The following SPTAN1 variants were observed in gnomAD, a reference collection of about 807,000 sequenced individuals.
SPTAN1 encodes spectrin alpha chain, non-erythrocytic 1.
Under a neutral mutation model 331.3 loss-of-function variants are expected in SPTAN1, and 61 were observed. The ratio of observed to expected loss-of-function variants is 0.18; its 90% CI spans 0.15 to 0.23. SPTAN1 has a LOEUF of 0.23. Among genes scored for constraint, SPTAN1 ranks in the 10% least tolerant of loss-of-function variants. SPTAN1 has a pLI of 1.00. For synonymous variants in SPTAN1, 1,153 were observed against 1,173.9 expected (o/e 0.98, Z 0.36); for missense variants, 2,043 against 3,147.9 (o/e 0.65, Z 8.40).
At chr9:128,591,981 CT>C (rs1291638777) in intron 22 of SPTAN1, among the ~76,000 whole-genome samples, 4 of 152,328 alleles carry the variant, frequency 2.6e-5, no homozygotes, top group African/African-American at 9.6e-5. Flanking sequence ...GCTTCTCTGT[CT>C]GCCATAGCTT....
intron 3 of SPTAN1, among the ~76,000 whole-genome samples, chr9:128,573,972 C>T (rs1221081682): frequency 2.0e-5 from 3 of 152,152 alleles, no homozygotes; most frequent in Non-Finnish European, 2.9e-5. Flanking sequence ...CCAGACTGGT[C>T]TTGAACTCCT....
intron 3 of SPTAN1, among the ~76,000 whole-genome samples, chr9:128,570,648 A>G (rs543560351): frequency 1.3e-5 from 2 of 148,570 alleles, no homozygotes; most frequent in Admixed American, 1.3e-4. Flanking sequence ...CAGATGGCTT[A>G]TTTATTTATT....
At chr9:128,575,430 C>T in intron 5 of SPTAN1, 85 bp downstream of exon 5, 1 of 1,505,092 alleles carries the variant, frequency 6.6e-7, no homozygotes, top group Non-Finnish European at 9.1e-7. Context: ...GATGATTGGT[C>T]CCCTAATTTC....
chr9:128,622,321 C>T lies in SPTAN1; in HGVS notation c.5832+1065C>T, dbSNP rs571739945. On this transcript the variant is annotated intron_variant, in intron 45 of 56. Coordinates refer to ENST00000372739, the MANE Select transcript of SPTAN1 (RefSeq NM_001130438.3). ...TTTTTTTTTTTTTTTTTTTTTGCGA[C>T]GGAGTTTCGCTCTTGTTGCCCAGGC... Among the ~76,000 whole-genome samples the T allele has an allele frequency of 7.2e-4, 87 of 120,028 alleles. 2 individuals are homozygous for T. The highest frequency in any genetic ancestry group is 5.8e-4 in the East Asian group (2 of 3,426). The allele number at this position is 120,028 out of a possible 152,430, so 78.7% of individuals were successfully genotyped here.
At position 128,581,018 on chromosome 9, in the gene SPTAN1, C is replaced by A. The variant is rs1461072315; in HGVS notation, c.1420C>A (p.Arg474=). ...EQCMDLQLFY[R]DTEQVDNWMS... Reference sequence around the variant, plus strand: ...GTGCATGGACCTGCAGCTCTTCTACCGGGACACTGAGCAGGTGGACAACTG... The same window carrying A: ...GTGCATGGACCTGCAGCTCTTCTACAGGGACACTGAGCAGGTGGACAACTG... Residue 474 remains arginine (R), a synonymous_variant, in exon 11 of 57, where the codon CGG becomes AGG. Coordinates refer to ENST00000372739, the MANE Select transcript of SPTAN1 (RefSeq NM_001130438.3). The A allele has an allele frequency of 6.2e-7, 1 of 1,613,956 alleles. No individual in the cohort carries two copies. Among genetic ancestry groups the A allele is most frequent in the Non-Finnish European group, 8.5e-7 (1 of 1,180,048 alleles).
intron 27 of SPTAN1, 45 bp from the exon 28 acceptor site, chr9:128,603,498 C>T (rs1855436110): frequency 6.2e-7 from 1 of 1,610,866 alleles, no homozygotes; most frequent in Non-Finnish European, 8.5e-7. Context: ...TCTCTAATTG[C>T]CAGACACTTG....
chr9:128,575,206 T>G lies in SPTAN1; in HGVS notation c.512T>G (p.Ile171Ser). The G allele has an allele frequency of 6.2e-7, 1 of 1,614,134 alleles. No individual in the cohort carries two copies. The highest frequency in any genetic ancestry group is 8.5e-7 in the Non-Finnish European group (1 of 1,180,026). The part of the protein sequence containing the change: ...VMDWINDKEA[I>S]VTSEELGQDL... ...CTTATGGTCCCTGAATAGGAAGCAA[T>G]TGTTACTTCTGAAGAGCTGGGCCAG... Residue 171 changes from isoleucine to serine, a missense_variant, in exon 5 of 57, where the codon ATT becomes AGT. Around this residue, in one of 12 missense-constraint regions of SPTAN1, gnomAD observed 1,038 missense variants for 1,531.5 expected, o/e 0.68. Coordinates refer to ENST00000372739, the MANE Select transcript of SPTAN1 (RefSeq NM_001130438.3).
chr9:128,609,112 A>G lies in SPTAN1; in HGVS notation c.4596-10A>G. 1 of 1,614,076 alleles carries G rather than the reference A, an allele frequency of 6.2e-7. No homozygotes were observed. Among genetic ancestry groups the G allele is most frequent in the East Asian group, 2.2e-5 (1 of 44,880 alleles). ...TGCTCATGTTGGATCTCATGGTTTC[A>G]CTCTTTCAGGTGGCGACGTCTGAAA... On this transcript the variant is annotated splice_polypyrimidine_tract_variant and intron_variant, in intron 35 of 56. Transcript: ENST00000372739.
At chr9:128,554,711 G>A (rs1372959850) in intron 1 of SPTAN1, among the ~76,000 whole-genome samples, 1 of 152,198 alleles carries the variant, frequency 6.6e-6, no homozygotes, top group Non-Finnish European at 1.5e-5. Context: ...AGAATGCAAC[G>A]CCCTAGTGGC....
In SPTAN1 at chr9:128,582,687, C is replaced by G; in HGVS notation, c.1651-7C>G. 3 of 1,612,956 alleles carry G rather than the reference C, an allele frequency of 1.9e-6. No homozygotes were observed. The highest frequency in any genetic ancestry group is 2.5e-6 in the Non-Finnish European group (3 of 1,180,030). ...CTAGAGACTCACAGGGGATCCTTGT[C>G]TTTCAGCTGTTGAGCCGCCGCAATG... On this transcript the variant is annotated splice_region_variant and splice_polypyrimidine_tract_variant and intron_variant, in intron 13 of 56. Transcript: ENST00000372739.
chr9:128,585,886 A>C lies in SPTAN1; in HGVS notation c.2699A>C (p.Asn900Thr). The C allele has an allele frequency of 6.2e-7, 1 of 1,614,052 alleles. No homozygotes were observed. Among genetic ancestry groups the C allele is most frequent in the Non-Finnish European group, 8.5e-7 (1 of 1,180,016 alleles). The change falls in exon 19 of 57, where the codon AAC becomes ACC. Residue 900 changes from asparagine (N) to threonine (T), a missense_variant. Asn to Thr is a moderately conservative substitution (Grantham distance 65, BLOSUM62 0). Around this residue, in one of 12 missense-constraint regions of SPTAN1, gnomAD observed 1,038 missense variants for 1,531.5 expected, o/e 0.68. Transcript: ENST00000372739. ...LQAQQYFADA[N>T]EAESWMREKE... Reference sequence around the variant, plus strand: ...GCCCAGCAGTACTTTGCTGATGCTAACGAGGCTGAATCCTGGATGCGGGAG... The same window carrying C: ...GCCCAGCAGTACTTTGCTGATGCTACCGAGGCTGAATCCTGGATGCGGGAG...
Position 128,626,215 on chromosome 9 carries a change from A to G in SPTAN1, c.6280-176A>G, listed in dbSNP as rs187278754. On this transcript the variant is annotated intron_variant, in intron 48 of 56. Transcript: ENST00000372739. ...ACAAGGGCAAAGGGTAGGAAGGGGA[A>G]AAAAGGCTGGTGAAGACTTGAAGGG... The G allele has an allele frequency of 2.3e-4, 230 of 992,728 alleles. No individual in the cohort carries two copies. In the African/African-American group the frequency reaches 3.1e-3, roughly 13 times the overall value. The allele number at this position is 992,728 out of a possible 1,614,324, so 61.5% of individuals were successfully genotyped here.
intron 44 of SPTAN1, among the ~76,000 whole-genome samples, chr9:128,620,087 C>T (rs919975262): frequency 3.3e-5 from 5 of 152,210 alleles, no homozygotes; most frequent in African/African-American, 4.8e-5. Flanking sequence ...AAGATGTCTG[C>T]GGCCTCACAC....
chr9:128,556,084 TGTG>T (rs905171272), intron 1 of SPTAN1, among the ~76,000 whole-genome samples: 2 of 151,892 alleles, frequency 1.3e-5, no homozygotes, highest in African/African-American at 4.8e-5. Flanking sequence ...AGCCGGGTGT[TGTG>T]GTGGGCCCCT....
In SPTAN1 at chr9:128,582,590, T is replaced by C. The variant is rs138030661; in HGVS notation, c.1650+34T>C. 3.4e-4 allele frequency: 550 copies of C among 1,611,998 alleles called. 7 individuals are homozygous for C. The East Asian group carries it at 7.0e-3, about 21-fold the overall frequency. On this transcript the variant is annotated intron_variant, in intron 13 of 56. Coordinates refer to ENST00000372739, the MANE Select transcript of SPTAN1 (RefSeq NM_001130438.3). ...GTAGGTTCTTCATGCTCCTCCTTTTTGGTACATGAATGTCTCTTCTAAGAT... is the reference window on the plus strand; with the variant it reads ...GTAGGTTCTTCATGCTCCTCCTTTTCGGTACATGAATGTCTCTTCTAAGAT...
rs776493422 is a variant in SPTAN1, at chr9:128,574,757, A to T, written c.446A>T (p.Gln149Leu). 6.8e-6 allele frequency: 11 copies of T among 1,614,108 alleles called. No individual in the cohort carries two copies. ...REKGIKLLQA[Q>L]KLVQYLRECE... ...AAAGGAATCAAACTGCTGCAGGCCC[A>T]GAAGTTGGTGCAGTACTTACGAGAA... is the stretch of plus-strand genomic sequence containing the variant. Residue 149 changes from glutamine to leucine, a missense_variant, in exon 4 of 57, where the codon CAG (glutamine) becomes CTG (leucine). Gln to Leu is a moderately radical substitution (Grantham distance 113). Coordinates refer to ENST00000372739, the MANE Select transcript of SPTAN1 (RefSeq NM_001130438.3).
At chr9:128,611,042 G>A (rs895128016) in intron 37 of SPTAN1, among the ~76,000 whole-genome samples, 2 of 152,200 alleles carry the variant, frequency 1.3e-5, no homozygotes, top group Admixed American at 1.3e-4. Context: ...CTCCAATAAG[G>A]AGAAAGCCAT....
At chr9:128,558,792 C>T (rs945833) in intron 1 of SPTAN1, among the ~76,000 whole-genome samples, 148,045 of 152,300 alleles carry the variant, frequency 0.97, 72,106 homozygotes, top group East Asian at 1. Context: ...ACGCCCAGGC[C>T]GAGCTGAGCT....
At chr9:128,580,430 G>C (rs1262002890) in intron 10 of SPTAN1, among the ~76,000 whole-genome samples, 5 of 151,396 alleles carry the variant, frequency 3.3e-5, no homozygotes, top group African/African-American at 1.2e-4. Flanking sequence ...GATAAATAAT[G>C]ATTTATATGA....
Sources: gnomAD v4.1 joint callset for allele counts (sites outside exome capture counted in the v4.1 genomes callset) on GRCh38, gnomAD v4.1.1 for gene constraint, gnomAD v4.1.1 regional missense constraint, MANE v1.5 for transcripts, NCBI Gene and HGNC (gene_info 2026-07-23, HGNC 2026-07-21) for gene names.